The following CD81 variants were observed in gnomAD, a reference collection of about 807,000 sequenced individuals.
CD81 encodes CD81 molecule, also known as CD81 antigen.
Under a neutral mutation model 30.1 loss-of-function variants are expected in CD81, and 10 were observed. That is an observed-to-expected ratio of 0.33 (90% confidence interval 0.21 to 0.56). The LOEUF is 0.56. CD81 is among the 20% of genes least tolerant of loss of function. The probability of loss-of-function intolerance (pLI) is 0.89; values close to 1 mark genes in which losing one functional copy is unlikely to be tolerated. For missense variants in CD81, 263 were observed against 308.7 expected (o/e 0.85, Z 1.11); for synonymous variants, 147 against 126.4 (o/e 1.16, Z -1.10).
In CD81 at chr11:2,396,824, C is replaced by T. The variant is rs758743866; in HGVS notation, c.669C>T (p.Ser223=). ...TGCAGATCTTCGAGATGATCCTGAGCATGGTGCTGTGCTGTGGCATCCGGA... is the reference window on the plus strand; with the variant it reads ...TGCAGATCTTCGAGATGATCCTGAGTATGGTGCTGTGCTGTGGCATCCGGA... The part of the protein sequence containing the change: ...AVIMIFEMIL[S]MVLCCGIRNS... Residue 223 remains serine, a synonymous_variant, in exon 8 of 8, where the codon AGC becomes AGT. Coordinates refer to ENST00000263645, the MANE Select transcript of CD81 (RefSeq NM_004356.4). 6.5e-5 allele frequency: 105 copies of T among 1,612,722 alleles called. No homozygotes were observed. The highest frequency in any genetic ancestry group is 8.6e-5 in the Non-Finnish European group (102 of 1,180,042).
intron 1 of CD81, among the ~76,000 whole-genome samples, chr11:2,383,425 C>T (rs34500127): frequency 9.6e-4 from 146 of 152,266 alleles, no homozygotes; most frequent in Admixed American, 1.9e-3. Flanking sequence ...CTGGAGGGGC[C>T]GTTCACCTCC....
At chr11:2,393,793 C>G in intron 2 of CD81, 1 of 614,088 alleles carries the variant, frequency 1.6e-6, no homozygotes. Flanking sequence ...AGGTGGCGGG[C>G]CCCACCGCAG....
chr11:2,390,442 CT>C lies in CD81; in HGVS notation c.98del (p.Leu33ArgfsTer28). ...TGGAGGCGTGATCCTGGGTGTGGCC[CT>C]GTGGCTCCGCCATGACCCGCAGACC... ...LAGGVILGVA[L>X]WLRHDPQTTN... On this transcript the variant is annotated frameshift_variant, in exon 2 of 8. Coordinates refer to ENST00000263645, the MANE Select transcript of CD81 (RefSeq NM_004356.4). LOFTEE classifies it high-confidence loss of function. 1 of 1,612,908 alleles carries C rather than the reference CT, an allele frequency of 6.2e-7. No homozygotes were observed. The highest frequency in any genetic ancestry group is 8.5e-7 in the Non-Finnish European group (1 of 1,179,972).
chr11:2,386,933 C>G (rs1849809475), intron 1 of CD81, among the ~76,000 whole-genome samples: 1 of 152,256 alleles, frequency 6.6e-6, no homozygotes, highest in African/African-American at 2.4e-5. Context: ...TGTCTAGGGG[C>G]AGCCTCCCCA....
intron 3 of CD81, among the ~76,000 whole-genome samples, chr11:2,394,460 C>T (rs1402021605): frequency 6.6e-6 from 1 of 152,242 alleles, no homozygotes; most frequent in East Asian, 1.9e-4. Context: ...AGGCCAGCCT[C>T]GGCGTCCCGG....
At chr11:2,386,137 G>T in intron 1 of CD81, 1 of 717,372 alleles carries the variant, frequency 1.4e-6, no homozygotes, top group African/African-American at 1.7e-5. Flanking sequence ...CTTGACCTGG[G>T]TTTCCTGGTC....
intron 1 of CD81, among the ~76,000 whole-genome samples, chr11:2,389,845 TG>T (rs1849865556): frequency 6.6e-6 from 1 of 151,930 alleles, no homozygotes; most frequent in African/African-American, 2.4e-5. Context: ...GCAGCAAAGA[TG>T]GGGTGCCCCC....
chr11:2,381,722 C>T (rs553916715), intron 1 of CD81, among the ~76,000 whole-genome samples: 6 of 152,306 alleles, frequency 3.9e-5, no homozygotes, highest in South Asian at 4.1e-4. Context: ...GCTTGGGCCC[C>T]GTGTCCCTGT....
In CD81 at chr11:2,377,720, C is replaced by A; in HGVS notation, c.66+105C>A. The A allele has an allele frequency of 1.6e-6, 1 of 627,922 alleles. No individual in the cohort carries two copies. Among genetic ancestry groups the A allele is most frequent in the Non-Finnish European group, 2.3e-6 (1 of 427,452 alleles). The allele number at this position is 627,922 out of a possible 1,614,324, so 38.9% of individuals were successfully genotyped here. The stretch of plus-strand genomic sequence containing the variant: ...GGCCCCGCGGGCGCAGCGCGGGCCG[C>A]GAAGTTGTGGGGCCACCTGTGGGCT... On this transcript the variant is annotated intron_variant, in intron 1 of 7. Coordinates refer to ENST00000263645, the MANE Select transcript of CD81 (RefSeq NM_004356.4). This position sits in a 1 kb window ranked among gnomAD's most constrained non-coding sequence, Gnocchi z 7.7.
At chr11:2,396,559 C>A in intron 6 of CD81, 69 bp from the exon 7 acceptor site, 3 of 1,299,834 alleles carry the variant, frequency 2.3e-6, no homozygotes, top group African/African-American at 1.5e-5. Flanking sequence ...CCACGGATTA[C>A]TGCGTGACAA....
chr11:2,390,487 G>A lies in CD81; in HGVS notation c.142G>A (p.Glu48Lys). 1.2e-6 allele frequency: 2 copies of A among 1,612,996 alleles called. No homozygotes were observed. Among genetic ancestry groups the A allele is most frequent in the Non-Finnish European group, 1.7e-6 (2 of 1,179,984 alleles). The change falls in exon 2 of 8, where the codon GAG (glutamate) becomes AAG (lysine). Residue 48 changes from glutamate (E) to lysine (K), a missense_variant. By Grantham distance (56) the Glu-to-Lys change is moderately conservative (BLOSUM62 1). This residue lies in a region of CD81 where 84 missense variants were observed against 98.2 expected (regional missense o/e 0.86). Transcript: ENST00000263645. ...DPQTTNLLYL[E>K]LGDKPAPNTF... is the part of the protein sequence containing the mutation. ...GCAGACCACCAACCTCCTGTATCTGGAGCTGGGAGACAAGCCCGCGCCCAA... is the reference window on the plus strand; with the variant it reads ...GCAGACCACCAACCTCCTGTATCTGAAGCTGGGAGACAAGCCCGCGCCCAA...
At chr11:2,383,483 CCTT>C (rs1328464132) in intron 1 of CD81, among the ~76,000 whole-genome samples, 2 of 152,192 alleles carry the variant, frequency 1.3e-5, no homozygotes, top group East Asian at 3.9e-4. Context: ...CCCCTCCCCT[CCTT>C]CACCCAGTAT....
intron 2 of CD81, chr11:2,393,719 T>C (rs947962365): frequency 4.5e-5 from 27 of 594,358 alleles, no homozygotes; most frequent in Middle Eastern, 4.4e-4. Context: ...CCCAGAGGCT[T>C]TGGGAGCGGG....
chr11:2,389,307 A>C (rs907524561), intron 1 of CD81, among the ~76,000 whole-genome samples: 1 of 152,190 alleles, frequency 6.6e-6, no homozygotes, highest in Non-Finnish European at 1.5e-5. Flanking sequence ...TATGGGGATC[A>C]CACGGCTGCA....
intron 1 of CD81, among the ~76,000 whole-genome samples, chr11:2,388,775 TC>T (rs1479978336): frequency 6.6e-6 from 1 of 151,954 alleles, no homozygotes; most frequent in South Asian, 2.1e-4. Context: ...TCATCTCCTG[TC>T]CCCCTGCCTC....
intron 2 of CD81, chr11:2,393,342 T>C (rs1849933019): frequency 6.4e-6 from 1 of 155,202 alleles, no homozygotes; most frequent in South Asian, 2.0e-4. Context: ...GGACGGCGCC[T>C]TCTCCCTCCC....
In CD81 at chr11:2,396,876, G is replaced by T. The variant is rs1301767029; in HGVS notation, c.*10G>T. The T allele has an allele frequency of 1.2e-6, 2 of 1,612,274 alleles. No homozygotes were observed. The highest frequency in any genetic ancestry group is 2.2e-5 in the East Asian group (1 of 44,884). On this transcript the variant is annotated 3_prime_UTR_variant, in exon 8 of 8. Coordinates refer to ENST00000263645, the MANE Select transcript of CD81 (RefSeq NM_004356.4). ...CAGCTCCGTGTACTGAGGCCCCGCA[G>T]CTCTGGCCACAGGGACCTCTGCAGT...
In CD81 at chr11:2,378,899, A is replaced by T. The variant is rs1045999997; in HGVS notation, c.66+1284A>T. Among the ~76,000 whole-genome samples the T allele has an allele frequency of 1.3e-5, 2 of 152,116 alleles. No individual in the cohort carries two copies. The highest frequency in any genetic ancestry group is 6.5e-5 in the Admixed American group (1 of 15,286). On this transcript the variant is annotated intron_variant, in intron 1 of 7. Transcript: ENST00000263645. The surrounding 1 kb of genome is among the most constrained non-coding windows in gnomAD (Gnocchi z 4.9). ...GATCCCAGTGCGGATGATTATTTGG[A>T]GGGGGAAGGACGGAGGCTGAACTGA...
intron 4 of CD81, 175 bp from the exon 5 acceptor site, chr11:2,395,241 T>G: frequency 1.4e-6 from 1 of 728,434 alleles, no homozygotes; most frequent in East Asian, 2.7e-5. Context: ...CAGCCTCCCG[T>G]GTCCCAGCAC....
Sources: gnomAD v4.1 joint callset for allele counts (sites outside exome capture counted in the v4.1 genomes callset) on GRCh38, gnomAD v4.1.1 for gene constraint, gnomAD v4.1.1 regional missense constraint, Gnocchi (gnomAD v3.1) non-coding constraint, MANE v1.5 for transcripts, NCBI Gene and HGNC (gene_info 2026-07-23, HGNC 2026-07-21) for gene names.